CDHR3: variants seen among roughly 807,000 people sequenced by gnomAD.
CDHR3 encodes the protein cadherin-related family member 3.
In CDHR3, 79 loss-of-function variants were observed where a neutral mutation model predicts 86.6. The observed-to-expected ratio is 0.91, with a 90% CI of 0.76 to 1.10. CDHR3 has a LOEUF of 1.10. CDHR3 is among the 50% of genes least tolerant of loss of function. The probability of loss-of-function intolerance (pLI) is 0.00; values close to 1 mark genes in which losing one functional copy is unlikely to be tolerated. For synonymous variants in CDHR3, 421 were observed against 402.4 expected, an observed-to-expected ratio of 1.05 and a Z score of -0.55; for missense variants, 1,081 against 1,077.6, an observed-to-expected ratio of 1.00 and a Z score of -0.04.
intron 5 of CDHR3, 120 bp downstream of exon 5, chr7:105,994,965 C>T (rs748459341): frequency 1.6e-4 from 122 of 744,748 alleles, no homozygotes; most frequent in Non-Finnish European, 2.6e-4. Flanking sequence ...CAGTCTACAG[C>T]GTCATTGTAA....
intron 4 of CDHR3, among the ~76,000 whole-genome samples, chr7:105,993,108 T>G (rs1319593815): frequency 6.6e-6 from 1 of 152,208 alleles, no homozygotes; most frequent in East Asian, 1.9e-4. Flanking sequence ...TGGCTGTGGT[T>G]GCAAAACCTC....
chr7:105,967,257 C>T (rs1424861167), intron 1 of CDHR3, among the ~76,000 whole-genome samples: 2 of 152,202 alleles, frequency 1.3e-5, no homozygotes, highest in African/African-American at 2.4e-5. Context: ...TTTCCAGCTT[C>T]ATCCATGTCC....
At chr7:105,982,041 C>A (rs1023488933) in intron 3 of CDHR3, among the ~76,000 whole-genome samples, 1 of 110,650 alleles carries the variant, frequency 9.0e-6, no homozygotes. Flanking sequence ...GGCAGCTGGC[C>A]TCCCAGCCCC....
In CDHR3 at chr7:106,032,559, A is replaced by T. The variant is rs1251645471; in HGVS notation, c.2520A>T (p.Glu840Asp). The change falls in exon 19 of 19, where the codon GAA becomes GAT. Residue 840 changes from glutamate (E) to aspartate (D), a missense_variant. Coordinates refer to ENST00000317716, the MANE Select transcript of CDHR3 (RefSeq NM_152750.5). ...MGSLRSANWE[E>D]DELSGKAWAE... Reference sequence around the variant, plus strand: ...CACTGAGAAGTGCCAACTGGGAAGAAGATGAGCTGAGTGGCAAAGCGTGGG... The same window carrying T: ...CACTGAGAAGTGCCAACTGGGAAGATGATGAGCTGAGTGGCAAAGCGTGGG... 4 of 1,613,994 alleles carry T rather than the reference A, an allele frequency of 2.5e-6. No homozygotes were observed. Among genetic ancestry groups the T allele is most frequent in the Non-Finnish European group, 3.4e-6 (4 of 1,179,864 alleles).
intron 1 of CDHR3, among the ~76,000 whole-genome samples, chr7:105,969,454 C>A (rs1827581593): frequency 6.8e-6 from 1 of 147,942 alleles, no homozygotes; most frequent in Middle Eastern, 3.5e-3. Flanking sequence ...CTAGGAGTTT[C>A]TGAATGGTTT....
chr7:105,994,945 G>GCCCCTT, intron 5 of CDHR3, 100 bp downstream of exon 5: 1 of 896,896 alleles, frequency 1.1e-6, no homozygotes, highest in Non-Finnish European at 1.8e-6. Flanking sequence ...GCTGGGGGGA[G>GCCCCTT]CCCCTTGAGC....
chr7:106,028,172 TAAAATAAAA>T, intron 16 of CDHR3, among the ~76,000 whole-genome samples: 1 of 135,484 alleles, frequency 7.4e-6, no homozygotes, highest in South Asian at 2.3e-4. Context: ...TAAAATAAAA[TAAAATAAAA>T]GGGCTTGGGA....
chr7:105,989,145 G>A (rs1333903857), intron 4 of CDHR3, among the ~76,000 whole-genome samples: 2 of 152,006 alleles, frequency 1.3e-5, no homozygotes, highest in African/African-American at 2.4e-5. Context: ...TTAATAATGG[G>A]CTCAGAACAT....
At chr7:105,989,874 AC>A (rs1831099946) in intron 4 of CDHR3, among the ~76,000 whole-genome samples, 1 of 151,908 alleles carries the variant, frequency 6.6e-6, no homozygotes, top group African/African-American at 2.4e-5. Flanking sequence ...TCCCCACCAT[AC>A]ACCCCCACCT....
rs967152164 is a variant in CDHR3 at position 106,030,996 on chromosome 7, C to T, written c.2353+156C>T. 2.6e-5 allele frequency among the ~76,000 whole-genome samples: 4 copies of T among 152,188 alleles called. No individual in the cohort carries two copies. Among genetic ancestry groups the T allele is most frequent in the Non-Finnish European group, 5.9e-5 (4 of 68,032 alleles). On this transcript the variant is annotated intron_variant, in intron 18 of 18. Transcript: ENST00000317716. The surrounding 1 kb of genome is among the most constrained non-coding windows in gnomAD (Gnocchi z 4.8). ...GCTGACTCTTCTAGGCTAAATACAA[C>T]GTGAGATCAGCTGTGAACCCAGCTG... is the stretch of plus-strand genomic sequence containing the variant.
chr7:105,998,813 A>T (rs975788555), intron 6 of CDHR3, among the ~76,000 whole-genome samples: 1 of 152,102 alleles, frequency 6.6e-6, no homozygotes, highest in Non-Finnish European at 1.5e-5. Flanking sequence ...AAAAGAAAAA[A>T]AAAAAGCACC....
chr7:106,002,729 A>T (rs2115794142), intron 7 of CDHR3, among the ~76,000 whole-genome samples: 1 of 152,336 alleles, frequency 6.6e-6, no homozygotes, highest in African/African-American at 2.4e-5. Context: ...CGTAATTTCA[A>T]AGTCTCTAGT....
chr7:105,990,321 A>C (rs904518504), intron 4 of CDHR3, among the ~76,000 whole-genome samples: 1 of 152,216 alleles, frequency 6.6e-6, no homozygotes, highest in Admixed American at 6.5e-5. Context: ...ACAATGAACC[A>C]CGAGCAGGAG....
At chr7:105,997,799 CAG>C (rs150886389) in intron 6 of CDHR3, among the ~76,000 whole-genome samples, 12 of 150,576 alleles carry the variant, frequency 8.0e-5, no homozygotes, top group Non-Finnish European at 1.3e-4. Flanking sequence ...TGACTTTTAG[CAG>C]AGAGAGAGAG....
At chr7:105,995,986 G>T (rs1057034746) in intron 5 of CDHR3, among the ~76,000 whole-genome samples, 1 of 152,152 alleles carries the variant, frequency 6.6e-6, no homozygotes, top group Non-Finnish European at 1.5e-5. Flanking sequence ...GGATAGATGT[G>T]CAGCATGGCG....
intron 8 of CDHR3, among the ~76,000 whole-genome samples, chr7:106,005,494 T>C (rs890204020): frequency 1.8e-4 from 27 of 152,202 alleles, no homozygotes; most frequent in African/African-American, 6.5e-4. Flanking sequence ...TTGGGAGGAA[T>C]TGGGGTTGTG....
At chr7:105,981,189 T>TGG in intron 3 of CDHR3, 56 bp downstream of exon 3, 1 of 1,542,310 alleles carries the variant, frequency 6.5e-7, no homozygotes, top group Non-Finnish European at 8.8e-7. Flanking sequence ...GGGAGGGCCC[T>TGG]GGGGGACAGA....
intron 4 of CDHR3, among the ~76,000 whole-genome samples, chr7:105,989,065 C>T (rs974737521): frequency 1.3e-5 from 2 of 152,140 alleles, no homozygotes; most frequent in African/African-American, 4.8e-5. Context: ...CATTGGTTCC[C>T]CCTTCCTGGG....
chr7:105,988,940 T>A (rs1830918691), intron 4 of CDHR3, among the ~76,000 whole-genome samples: 1 of 152,238 alleles, frequency 6.6e-6, no homozygotes, highest in Non-Finnish European at 1.5e-5. Flanking sequence ...AAACTCAGTG[T>A]GCATTTTACA....
Sources: allele counts gnomAD v4.1 joint callset (sites outside exome capture counted in the v4.1 genomes callset), GRCh38; gene constraint gnomAD v4.1.1; non-coding constraint Gnocchi (gnomAD v3.1); transcripts MANE v1.5; gene names NCBI Gene and HGNC (gene_info 2026-07-23, HGNC 2026-07-21).